The following ACP2 variants were observed in gnomAD, a reference collection of about 807,000 sequenced individuals.
ACP2 encodes acid phosphatase 2, lysosomal.
Under a neutral mutation model 54.7 loss-of-function variants are expected in ACP2, and 35 were observed. The ratio of observed to expected loss-of-function variants is 0.64; its 90% CI spans 0.49 to 0.85. The LOEUF (loss-of-function observed/expected upper bound fraction) is 0.85, where lower values mean the gene tolerates loss of function less well. Ranked by LOEUF, ACP2 falls within the 40% of genes least tolerant of loss-of-function variation. The pLI is 0.00. For missense variants in ACP2, 492 were observed against 565.0 expected, an observed-to-expected ratio of 0.87 and a Z score of 1.31; for synonymous variants, 210 against 224.4, an observed-to-expected ratio of 0.94 and a Z score of 0.57.
rs1214570661 is a variant in ACP2 at position 47,248,554 on chromosome 11, A to G, written c.114+122T>C. On this transcript the variant is annotated intron_variant, in intron 1 of 10. Transcript: ENST00000672073. ...GGTCAATCCTGAATCCAGCCTCCCA[A>G]CTACCCAGGCCAGTCGTCCCCTCCT... The G allele has an allele frequency of 3.2e-6, 5 of 1,551,570 alleles. No homozygotes were observed. In the Admixed American group the frequency reaches 7.8e-5, roughly 24 times the overall value.
rs750987173 is a variant in ACP2 at position 47,243,060 on chromosome 11, T to C, written c.920A>G (p.Tyr307Cys). The C allele has an allele frequency of 1.9e-6, 3 of 1,614,160 alleles. No homozygotes were observed. Among genetic ancestry groups the C allele is most frequent in the South Asian group, 2.2e-5 (2 of 91,090 alleles). ...LDVYNGEQAP[Y>C]ASCHIFELYQ... ...CAGTTCAAATATGTGGCAGGAGGCG[T>C]AGGGGGCTTGTTCACCATTGTAGAC... Residue 307 changes from tyrosine (Y) to cysteine (C), a missense_variant, in exon 9 of 11, where the codon TAC becomes TGC. Physicochemically the swap from Tyr to Cys is radical, Grantham distance 194. Transcript: ENST00000672073.
intron 7 of ACP2, 119 bp from the exon 8 acceptor site, chr11:47,243,440 CT>C: frequency 1.3e-6 from 1 of 757,856 alleles, no homozygotes; most frequent in Non-Finnish European, 2.2e-6. Flanking sequence ...ACGGAGAACT[CT>C]TTAGTGTCAT....
intron 3 of ACP2, among the ~76,000 whole-genome samples, chr11:47,246,604 G>A (rs955613202): frequency 1.4e-4 from 21 of 152,100 alleles, no homozygotes; most frequent in East Asian, 3.9e-4. Flanking sequence ...GGCCGGGCAC[G>A]GTGGCTCATG....
intron 7 of ACP2, among the ~76,000 whole-genome samples, chr11:47,243,650 C>T (rs901605263): frequency 2.0e-5 from 3 of 152,130 alleles, no homozygotes; most frequent in Non-Finnish European, 2.9e-5. Context: ...GGTGCATGCC[C>T]GGGTAACTAC....
rs762960271 is a variant in ACP2 at position 47,243,261 on chromosome 11, G to A, written c.833C>T (p.Pro278Leu). ...LTLMATTSQL[P>L]KLLVYSAHDT... is the part of the protein sequence containing the mutation. Reference sequence around the variant, plus strand: ...CACCGCAGAGTAAACCAGCAGCTTGGGGAGCTGGGAGGTGGTCGCCATTAG... The same window carrying A: ...CACCGCAGAGTAAACCAGCAGCTTGAGGAGCTGGGAGGTGGTCGCCATTAG... The change falls in exon 8 of 11, where the codon CCC (proline) becomes CTC (leucine). Residue 278 changes from proline to leucine, a missense_variant. Transcript: ENST00000672073. 5.0e-6 allele frequency: 8 copies of A among 1,614,108 alleles called. No homozygotes were observed. Among genetic ancestry groups the A allele is most frequent in the Non-Finnish European group, 5.1e-6 (6 of 1,180,052 alleles).
chr11:47,243,380 C>T, intron 7 of ACP2, 59 bp from the exon 8 acceptor site: 2 of 1,447,358 alleles, frequency 1.4e-6, no homozygotes, highest in Admixed American at 1.8e-5. Flanking sequence ...TCTAATTAGA[C>T]CTATCTGTGC....
rs1953823098 is a variant in ACP2 at position 47,239,871 on chromosome 11, G to C, written c.*245C>G. 2 of 512,720 alleles carry C rather than the reference G, an allele frequency of 3.9e-6. No homozygotes were observed. The highest frequency in any genetic ancestry group is 5.5e-5 in the South Asian group (2 of 36,612). 31.8% of individuals were successfully genotyped at this position (512,720 alleles called of 1,614,324 possible). ...ACATCTCAGGTGTGTAGGGAGCGTG[G>C]AGGAGGCAAATCCTGTTTGGAGAAA... On this transcript the variant is annotated 3_prime_UTR_variant, in exon 11 of 11. Transcript: ENST00000672073.
At chr11:47,248,541 A>G (rs1954318658) in intron 1 of ACP2, 135 bp downstream of exon 1, 1 of 1,551,538 alleles carries the variant, frequency 6.4e-7, no homozygotes, top group Non-Finnish European at 8.7e-7. Flanking sequence ...TCAATCCTGA[A>G]TCCAGCCTCC....
rs541800616 is a variant in ACP2, at chr11:47,248,088, C to T, written c.160G>A (p.Asp54Asn). Residue 54 changes from aspartate (D) to asparagine (N), a missense_variant, in exon 2 of 11, where the codon GAC becomes AAC. By Grantham distance (23) the Asp-to-Asn change is conservative. Coordinates refer to ENST00000672073, the MANE Select transcript of ACP2 (RefSeq NM_001610.4). ...GGCCATTCTTCTTCCTGATAGGGGT[C>T]CTTGGGATATGTCTTCACTGGTGAA... is the stretch of plus-strand genomic sequence containing the variant. ...DRSPVKTYPK[D>N]PYQEEEWPQG... is the part of the protein sequence containing the mutation. 42 of 1,611,316 alleles carry T rather than the reference C, an allele frequency of 2.6e-5. No individual in the cohort carries two copies. In the East Asian group the frequency reaches 8.5e-4, roughly 32 times the overall value.
chr11:47,240,386 G>A (rs977589433), intron 10 of ACP2, 137 bp from the exon 11 acceptor site: 1 of 589,702 alleles, frequency 1.7e-6, no homozygotes, highest in African/African-American at 1.9e-5. Context: ...CTAGGAGAGG[G>A]GATGTAATAA....
Position 47,245,838 on chromosome 11 carries a change from C to G in ACP2, c.298-4G>C, listed in dbSNP as rs750203183. ...AGTCTGTGCTTCGCACATAAACCTGCAGCGATAGCAACACAAGTCGTGTGT... is the reference window on the plus strand; with the variant it reads ...AGTCTGTGCTTCGCACATAAACCTGGAGCGATAGCAACACAAGTCGTGTGT... On this transcript the variant is annotated splice_region_variant and splice_polypyrimidine_tract_variant and intron_variant, in intron 3 of 10. Transcript: ENST00000672073. 27 of 1,546,768 alleles carry G rather than the reference C, an allele frequency of 1.7e-5. No individual in the cohort carries two copies. Among genetic ancestry groups the G allele is most frequent in the Middle Eastern group, 1.7e-4 (1 of 5,754 alleles).
At chr11:47,240,526 C>T (rs753523636) in intron 10 of ACP2, among the ~76,000 whole-genome samples, 1 of 151,982 alleles carries the variant, frequency 6.6e-6, no homozygotes, top group Non-Finnish European at 1.5e-5. Context: ...CCCATCTCTA[C>T]TAAATAAAGT....
In ACP2 at chr11:47,247,521, G is replaced by A. The variant is rs774874281; in HGVS notation, c.297+120C>T. The A allele has an allele frequency of 5.2e-6, 6 of 1,164,742 alleles. No individual in the cohort carries two copies. In the Admixed American group the frequency reaches 1.1e-4, roughly 21 times the overall value. The allele number at this position is 1,164,742 out of a possible 1,614,324, so 72.2% of individuals were successfully genotyped here. On this transcript the variant is annotated intron_variant, in intron 3 of 10. Transcript: ENST00000672073. The stretch of plus-strand genomic sequence containing the variant: ...CAGCTCTCAGATGTCTTTTCCTGTA[G>A]TTGTGACCAAAAATACAAGAAGGAG...
intron 6 of ACP2, 80 bp downstream of exon 6, chr11:47,245,225 C>T (rs766599070): frequency 1.4e-6 from 2 of 1,446,408 alleles, no homozygotes; most frequent in South Asian, 1.1e-5. Flanking sequence ...CGGTATCAGG[C>T]ACTGTGTTCT....
intron 7 of ACP2, among the ~76,000 whole-genome samples, chr11:47,244,104 T>C (rs547005334): frequency 6.6e-6 from 1 of 152,112 alleles, no homozygotes; most frequent in East Asian, 1.9e-4. Context: ...GCCACTCTAC[T>C]ATAGCCTGGG....
chr11:47,247,622 C>T lies in ACP2; in HGVS notation c.297+19G>A. ...GCAGCATACCTTGTTCCCCTTGCCTCTGGAGCTCCCAACCTTACCTCTTGC... is the reference window on the plus strand; with the variant it reads ...GCAGCATACCTTGTTCCCCTTGCCTTTGGAGCTCCCAACCTTACCTCTTGC... On this transcript the variant is annotated intron_variant, in intron 3 of 10. Coordinates refer to ENST00000672073, the MANE Select transcript of ACP2 (RefSeq NM_001610.4). 3.1e-6 allele frequency: 5 copies of T among 1,614,180 alleles called. No homozygotes were observed. Among genetic ancestry groups the T allele is most frequent in the Non-Finnish European group, 4.2e-6 (5 of 1,180,000 alleles).
Position 47,248,758 on chromosome 11 carries a change from G to T in ACP2, c.32C>A (p.Ala11Glu), listed in dbSNP as rs766522083. 2.5e-6 allele frequency: 4 copies of T among 1,603,300 alleles called. No individual in the cohort carries two copies. Among genetic ancestry groups the T allele is most frequent in the East Asian group, 4.5e-5 (2 of 44,486 alleles). MAGKRSGWSR[A>E]ALLQLLLGVN... ...GCCGAGAAGGAGCTGGAGGAGAGCCGCCCGGCTCCAGCCGGACCGCTTGCC... is the reference window on the plus strand; with the variant it reads ...GCCGAGAAGGAGCTGGAGGAGAGCCTCCCGGCTCCAGCCGGACCGCTTGCC... The change falls in exon 1 of 11, where the codon GCG becomes GAG. Residue 11 changes from alanine (A) to glutamate (E), a missense_variant. By Grantham distance (107) the Ala-to-Glu change is moderately radical (BLOSUM62 -1). Transcript: ENST00000672073.
chr11:47,243,267 T>TG lies in ACP2; in HGVS notation c.826dup (p.Gln276ProfsTer28). On this transcript the variant is annotated frameshift_variant, in exon 8 of 11. Transcript: ENST00000672073. LOFTEE classifies it high-confidence loss of function. ...AGAGTAAACCAGCAGCTTGGGGAGC[T>TG]GGGAGGTGGTCGCCATTAGGGTCAG... is the stretch of plus-strand genomic sequence containing the variant. 1 of 1,614,206 alleles carries TG rather than the reference T, an allele frequency of 6.2e-7. No homozygotes were observed. The highest frequency in any genetic ancestry group is 1.1e-5 in the South Asian group (1 of 91,080).
intron 3 of ACP2, 68 bp downstream of exon 3, chr11:47,247,573 G>T: frequency 1.3e-6 from 2 of 1,576,732 alleles, no homozygotes; most frequent in Non-Finnish European, 8.7e-7. Context: ...TCAGCCTTAG[G>T]CTCCCTGAGG....
Sources: allele counts gnomAD v4.1 joint callset (sites outside exome capture counted in the v4.1 genomes callset), GRCh38; gene constraint gnomAD v4.1.1; transcripts MANE v1.5; gene names NCBI Gene and HGNC (gene_info 2026-07-23, HGNC 2026-07-21).